Variants in TRA2A observed in about 807,000 individuals in gnomAD.
TRA2A encodes the protein transformer-2 protein homolog alpha.
Under a neutral mutation model 45.7 loss-of-function variants are expected in TRA2A, and 31 were observed. That is an observed-to-expected ratio of 0.68 (90% CI 0.51 to 0.92). The LOEUF is 0.92. TRA2A is among the 40% of genes least tolerant of loss of function. TRA2A has a pLI of 0.00. For missense variants in TRA2A, 304 were observed against 367.5 expected, an observed-to-expected ratio of 0.83 and a Z score of 1.41; for synonymous variants, 132 against 126.2, an observed-to-expected ratio of 1.05 and a Z score of -0.31.
At chr7:23,507,211 G>C in intron 5 of TRA2A, 1 of 520,508 alleles carries the variant, frequency 1.9e-6, no homozygotes, top group East Asian at 3.0e-5. Context: ...AGTGATTCCT[G>C]TGCCTCAGCT....
intron 3 of TRA2A, among the ~76,000 whole-genome samples, chr7:23,514,729 G>T (rs935714145): frequency 2.0e-5 from 3 of 152,190 alleles, no homozygotes; most frequent in Middle Eastern, 6.8e-3. Context: ...CCAAGTAGTC[G>T]GGATTACAAG....
chr7:23,507,486 A>T lies in TRA2A; in HGVS notation c.575T>A (p.Val192Glu). 1 of 1,614,124 alleles carries T rather than the reference A, an allele frequency of 6.2e-7. No homozygotes were observed. Among genetic ancestry groups the T allele is most frequent in the Non-Finnish European group, 8.5e-7 (1 of 1,180,016 alleles). The change falls in exon 5 of 8, where the codon GTG becomes GAG. Residue 192 changes from valine to glutamate, a missense_variant. By Grantham distance (121) the Val-to-Glu change is moderately radical (BLOSUM62 -2). Coordinates refer to ENST00000297071, the MANE Select transcript of TRA2A (RefSeq NM_013293.5). ...GMELDGRRIR[V>E]DYSITKRAHT... Reference sequence around the variant, plus strand: ...CGCTCTCTTGGTTATAGAATAATCCACCCGAATTCTTCTACCATCCAGCTC... The same window carrying T: ...CGCTCTCTTGGTTATAGAATAATCCTCCCGAATTCTTCTACCATCCAGCTC...
intron 2 of TRA2A, among the ~76,000 whole-genome samples, chr7:23,517,586 TA>T (rs34533841): frequency 1.9e-4 from 27 of 138,998 alleles, no homozygotes; most frequent in East Asian, 4.2e-4. Flanking sequence ...ACTTCTATTT[TA>T]AAAAAAAAAA....
chr7:23,521,983 A>G (rs1385988774), intron 1 of TRA2A, 143 bp from the exon 2 acceptor site: 11 of 1,426,064 alleles, frequency 7.7e-6, no homozygotes, highest in East Asian at 5.0e-5. Context: ...TTTCAGCTCA[A>G]TAATAACCCA....
rs561487992 is a variant in TRA2A at position 23,507,398 on chromosome 7, C to A, written c.641+22G>T. 3.8e-6 allele frequency: 6 copies of A among 1,584,248 alleles called. No individual in the cohort carries two copies. In the South Asian group the frequency reaches 6.7e-5, roughly 18 times the overall value. On this transcript the variant is annotated intron_variant, in intron 5 of 7. Coordinates refer to ENST00000297071, the MANE Select transcript of TRA2A (RefSeq NM_013293.5). Reference sequence around the variant, plus strand: ...ATTTCTGGTGGATTTCATAGTTTAGCTTAGGAAACTTGAACTCTTACTGAG... The same window carrying A: ...ATTTCTGGTGGATTTCATAGTTTAGATTAGGAAACTTGAACTCTTACTGAG...
At chr7:23,514,350 A>C (rs1485298855) in intron 3 of TRA2A, among the ~76,000 whole-genome samples, 1 of 152,154 alleles carries the variant, frequency 6.6e-6, no homozygotes, top group African/African-American at 2.4e-5. Context: ...ATGTTAGCAC[A>C]GCTCTTTGAA....
In TRA2A at chr7:23,531,820, C is replaced by G; in HGVS notation, c.5G>C (p.Ser2Thr). The change falls in exon 1 of 8, where the codon AGT (serine) becomes ACT (threonine). Residue 2 changes from serine (S) to threonine (T), a missense_variant. By Grantham distance (58) the Ser-to-Thr change is moderately conservative (BLOSUM62 1). Around this residue, in one of 3 missense-constraint regions of TRA2A, gnomAD observed 132 missense variants for 113.4 expected, o/e 1.16. Transcript: ENST00000297071. M[S>T]DVEENNFEGR... ...CTCGAAGTTGTTTTCCTCCACATCA[C>G]TCATGTCGACGAGGCGCTCCCCAGA... is the stretch of plus-strand genomic sequence containing the variant. 3 of 1,613,854 alleles carry G rather than the reference C, an allele frequency of 1.9e-6. No individual in the cohort carries two copies. The African/African-American group carries it at 4.0e-5, about 21-fold the overall frequency.
intron 4 of TRA2A, 28 bp downstream of exon 4, chr7:23,512,866 T>C (rs1385574409): frequency 1.9e-6 from 3 of 1,544,344 alleles, no homozygotes; most frequent in Non-Finnish European, 2.6e-6. Flanking sequence ...TTCAGTACTA[T>C]AATCAGGCAT....
intron 4 of TRA2A, among the ~76,000 whole-genome samples, chr7:23,508,654 C>T (rs924638800): frequency 8.5e-5 from 13 of 152,130 alleles, no homozygotes; most frequent in African/African-American, 3.1e-4. Context: ...GCCACCATGC[C>T]CAGCTAATTT....
Position 23,531,922 on chromosome 7 carries a change from A to G in TRA2A, c.-98T>C, listed in dbSNP as rs926552291. ...CTGACTGGACCGTGGGGAAGAGGAA[A>G]GAGTCGGCAACCACAGCCGCTCCAC... is the stretch of plus-strand genomic sequence containing the variant. On this transcript the variant is annotated 5_prime_UTR_variant, in exon 1 of 8. Transcript: ENST00000297071. 5 of 1,403,852 alleles carry G rather than the reference A, an allele frequency of 3.6e-6. No homozygotes were observed. The highest frequency in any genetic ancestry group is 5.0e-6 in the Non-Finnish European group (5 of 1,005,302). 87.0% of individuals were successfully genotyped at this position (1,403,852 alleles called of 1,614,324 possible).
intron 1 of TRA2A, 71 bp from the exon 2 acceptor site, chr7:23,521,911 GTAAT>G: frequency 6.3e-7 from 1 of 1,584,506 alleles, no homozygotes; most frequent in Non-Finnish European, 8.6e-7. Flanking sequence ...TTAAAGTACC[GTAAT>G]TATTTATATT....
At chr7:23,522,074 A>C in intron 1 of TRA2A, 1 of 1,356,484 alleles carries the variant, frequency 7.4e-7, no homozygotes, top group South Asian at 1.6e-5. Flanking sequence ...TAATCATGCA[A>C]ATTCATCTAC....
At position 23,513,490 on chromosome 7, in the gene TRA2A, C is replaced by T. The variant is rs572780926; in HGVS notation, c.337-408G>A. On this transcript the variant is annotated intron_variant, in intron 3 of 7. Coordinates refer to ENST00000297071, the MANE Select transcript of TRA2A (RefSeq NM_013293.5). ...AAAATTAGCTGGGCATGGTGGCCGG[C>T]GCCTGTAATCCCAGCTACTCCAGAG... 3.2e-4 allele frequency among the ~76,000 whole-genome samples: 48 copies of T among 152,122 alleles called. No homozygotes were observed. The South Asian group carries it at 9.2e-3, about 29-fold the overall frequency.
chr7:23,511,010 T>C (rs1294173367), intron 4 of TRA2A, among the ~76,000 whole-genome samples: 2 of 152,088 alleles, frequency 1.3e-5, no homozygotes, highest in Non-Finnish European at 2.9e-5. Flanking sequence ...GCTTGTGTAC[T>C]GTATGGTTAT....
chr7:23,514,388 A>G (rs1789765134), intron 3 of TRA2A, among the ~76,000 whole-genome samples: 2 of 152,160 alleles, frequency 1.3e-5, no homozygotes, highest in Admixed American at 1.3e-4. Flanking sequence ...AGAAATTATT[A>G]TCTATTTCTA....
At chr7:23,529,853 C>CTT (rs11415684) in intron 1 of TRA2A, among the ~76,000 whole-genome samples, 4,471 of 140,962 alleles carry the variant, frequency 0.032, 223 homozygotes, top group African/African-American at 0.089. Context: ...GGGTGGGAAT[C>CTT]TTTTTTTTTT....
intron 1 of TRA2A, among the ~76,000 whole-genome samples, chr7:23,529,117 G>A: frequency 6.6e-6 from 1 of 152,074 alleles, no homozygotes; most frequent in South Asian, 2.1e-4. Context: ...TCTATGAAGG[G>A]CATTAACATT....
intron 4 of TRA2A, among the ~76,000 whole-genome samples, chr7:23,508,937 CTT>C (rs1323819261): frequency 6.6e-6 from 1 of 152,138 alleles, no homozygotes; most frequent in African/African-American, 2.4e-5. Flanking sequence ...AGAGTTGTCT[CTT>C]TGGTCTCTTT....
chr7:23,517,755 T>C (rs1184069673), intron 2 of TRA2A, among the ~76,000 whole-genome samples: 1 of 150,032 alleles, frequency 6.7e-6, no homozygotes. Context: ...CTACTAAAAA[T>C]ACAAAAATTA....
Sources: allele counts gnomAD v4.1 joint callset (sites outside exome capture counted in the v4.1 genomes callset), GRCh38; gene constraint gnomAD v4.1.1; regional missense constraint gnomAD v4.1.1; transcripts MANE v1.5; gene names NCBI Gene and HGNC (gene_info 2026-07-23, HGNC 2026-07-21).